Variants in FER1L6 observed in about 807,000 individuals in gnomAD.
FER1L6 encodes fer-1 like family member 6.
In FER1L6, 177 loss-of-function variants were observed where a neutral mutation model predicts 219.2. That is an observed-to-expected ratio of 0.81 (90% CI 0.71 to 0.91). The LOEUF (loss-of-function observed/expected upper bound fraction) is 0.91. Among genes scored for constraint, FER1L6 ranks in the 40% least tolerant of loss-of-function variants. The pLI, the probability that FER1L6 is intolerant of heterozygous loss-of-function variation, is 0.00. For missense variants in FER1L6, 2,153 were observed against 2,259.9 expected, an observed-to-expected ratio of 0.95 and a Z score of 0.96; for synonymous variants, 768 against 824.3, an observed-to-expected ratio of 0.93 and a Z score of 1.17.
chr8:124,048,471 GCA>G (rs773688816), intron 21 of FER1L6, among the ~76,000 whole-genome samples: 1 of 152,164 alleles, frequency 6.6e-6, no homozygotes, highest in Non-Finnish European at 1.5e-5. Flanking sequence ...GGGGGAATGT[GCA>G]CACAGTCTTG....
At chr8:123,966,488 G>A (rs551576109) in intron 5 of FER1L6, among the ~76,000 whole-genome samples, 198 bp downstream of exon 5, 13 of 152,274 alleles carry the variant, frequency 8.5e-5, no homozygotes, top group South Asian at 4.2e-4. Flanking sequence ...AAAGAGAGGC[G>A]AGGAATTCCT....
intron 20 of FER1L6, among the ~76,000 whole-genome samples, chr8:124,041,409 C>T (rs1274419911): frequency 6.6e-6 from 1 of 152,246 alleles, no homozygotes; most frequent in Non-Finnish European, 1.5e-5. Context: ...GAGTAGACTG[C>T]ATTTTGATTT....
At chr8:124,009,037 A>T (rs897949730) in intron 13 of FER1L6, among the ~76,000 whole-genome samples, 1 of 152,238 alleles carries the variant, frequency 6.6e-6, no homozygotes, top group South Asian at 2.1e-4. Flanking sequence ...AAAAAAATAG[A>T]TGTTGGCATG....
chr8:124,026,959 G>T (rs1419358350), intron 18 of FER1L6, among the ~76,000 whole-genome samples: 1 of 152,146 alleles, frequency 6.6e-6, no homozygotes, highest in African/African-American at 2.4e-5. Context: ...TCCCTTGAAG[G>T]TATTAGGGAA....
At chr8:123,883,684 C>T (rs1408940240) in intron 1 of FER1L6, among the ~76,000 whole-genome samples, 4 of 152,150 alleles carry the variant, frequency 2.6e-5, no homozygotes, top group African/African-American at 7.2e-5. Context: ...AACAAGGCAT[C>T]GGTAGATTCA....
At chr8:124,081,791 T>C (rs1490372150) in intron 32 of FER1L6, among the ~76,000 whole-genome samples, 2 of 152,146 alleles carry the variant, frequency 1.3e-5, no homozygotes, top group African/African-American at 4.8e-5. Context: ...GGAATGGCAA[T>C]GTATTGGGCA....
At chr8:123,877,766 C>CAA (rs34492769) in intron 1 of FER1L6, among the ~76,000 whole-genome samples, 6,769 of 126,514 alleles carry the variant, frequency 0.054, 198 homozygotes, top group Non-Finnish European at 0.071. Flanking sequence ...CCAGTCCCTG[C>CAA]AAAAAAAAAA....
In FER1L6 at chr8:124,065,231, T is replaced by TA. The variant is rs548025271; in HGVS notation, c.3555+669dup. Among the ~76,000 whole-genome samples the TA allele has an allele frequency of 2.5e-3, 363 of 143,550 alleles. 3 individuals are homozygous for TA. Among genetic ancestry groups the TA allele is most frequent in the African/African-American group, 6.9e-3 (271 of 39,192 alleles). 94.2% of individuals were successfully genotyped at this position (143,550 alleles called of 152,430 possible). A position where few individuals can be genotyped will look rare whatever the true frequency, so the allele number is the denominator to read the frequency against. Reference sequence around the variant, plus strand: ...CAACATGCTGTAACTCCATCTCTACTAAAAAAAAAAATACAAAAAATTAGC... The same window carrying TA: ...CAACATGCTGTAACTCCATCTCTACTAAAAAAAAAAAATACAAAAAATTAGC... On this transcript the variant is annotated intron_variant, in intron 26 of 40. Transcript: ENST00000522917.
intron 1 of FER1L6, among the ~76,000 whole-genome samples, chr8:123,944,047 T>C (rs2130013746): frequency 6.6e-6 from 1 of 152,178 alleles, no homozygotes; most frequent in Non-Finnish European, 1.5e-5. Context: ...TTAGGCAGTT[T>C]TCTTAACCTT....
At chr8:123,898,756 T>C (rs1418574184) in intron 1 of FER1L6, among the ~76,000 whole-genome samples, 3 of 141,578 alleles carry the variant, frequency 2.1e-5, no homozygotes, top group South Asian at 2.2e-4. Flanking sequence ...ATACTATATA[T>C]ACACATATAT....
chr8:123,862,530 A>T (rs1315222917), intron 1 of FER1L6, among the ~76,000 whole-genome samples: 2 of 139,970 alleles, frequency 1.4e-5, no homozygotes, highest in East Asian at 3.9e-4. Context: ...TTTTCTATTG[A>T]TTGGAATAGT....
At chr8:123,945,439 A>T (rs886157647) in intron 1 of FER1L6, among the ~76,000 whole-genome samples, 3 of 152,246 alleles carry the variant, frequency 2.0e-5, no homozygotes, top group African/African-American at 7.2e-5. Flanking sequence ...CTCACTGAAG[A>T]TAAGTTGTTT....
intron 16 of FER1L6, among the ~76,000 whole-genome samples, chr8:124,020,822 AG>A (rs760187221): frequency 1.3e-5 from 2 of 152,220 alleles, no homozygotes; most frequent in Non-Finnish European, 2.9e-5. Context: ...CCTGGCACAG[AG>A]GAACAGCTCA....
At chr8:123,987,426 C>T (rs1816639299) in intron 12 of FER1L6, among the ~76,000 whole-genome samples, 1 of 152,032 alleles carries the variant, frequency 6.6e-6, no homozygotes, top group Non-Finnish European at 1.5e-5. Context: ...TTATTAATCC[C>T]TTGTCAGATA....
chr8:123,874,678 G>C (rs2130283142), intron 1 of FER1L6, among the ~76,000 whole-genome samples: 1 of 152,190 alleles, frequency 6.6e-6, no homozygotes, highest in Non-Finnish European at 1.5e-5. Flanking sequence ...TATTATCTAA[G>C]TCAATCCCCT....
intron 33 of FER1L6, among the ~76,000 whole-genome samples, chr8:124,090,916 T>C (rs796145861): frequency 3.3e-5 from 5 of 152,260 alleles, no homozygotes; most frequent in African/African-American, 1.2e-4. Context: ...CGAGTGGCTG[T>C]TCTCCTAGGG....
chr8:123,990,231 G>T (rs182701653), intron 12 of FER1L6, among the ~76,000 whole-genome samples: 1 of 152,172 alleles, frequency 6.6e-6, no homozygotes, highest in Non-Finnish European at 1.5e-5. Context: ...TAGCACCACT[G>T]CACTCCAGCC....
chr8:124,000,051 C>T (rs1817333021), intron 12 of FER1L6, among the ~76,000 whole-genome samples: 1 of 152,200 alleles, frequency 6.6e-6, no homozygotes, highest in African/African-American at 2.4e-5. Context: ...CTTGCTGGAA[C>T]TTAGGATGGA....
Position 124,097,287 on chromosome 8 carries a change from G to C in FER1L6, c.4712G>C (p.Trp1571Ser). ...CTTAACAAGGGCCGCCTGCAGATGT[G>C]GGTGGACATGTTTCCCAAGGATATG... ...PGMEQGRLQM[W>S]VDMFPKDMPQ... Residue 1571 changes from tryptophan to serine, a missense_variant, in exon 36 of 41, where the codon TGG becomes TCG. Coordinates refer to ENST00000522917, the MANE Select transcript of FER1L6 (RefSeq NM_001039112.2). 3.7e-6 allele frequency: 6 copies of C among 1,613,114 alleles called. No individual in the cohort carries two copies. The highest frequency in any genetic ancestry group is 5.1e-6 in the Non-Finnish European group (6 of 1,179,422).
Sources: allele counts gnomAD v4.1 joint callset (sites outside exome capture counted in the v4.1 genomes callset), GRCh38; gene constraint gnomAD v4.1.1; transcripts MANE v1.5; gene names NCBI Gene and HGNC (gene_info 2026-07-23, HGNC 2026-07-21).